The following NR6A1 variants were observed in gnomAD, a reference collection of about 807,000 sequenced individuals.
NR6A1 encodes retinoic acid receptor-related testis-associated receptor.
NR6A1 carries 7 observed loss-of-function variants against 59.1 expected under a neutral mutation model. The ratio of observed to expected loss-of-function variants is 0.12; its 90% confidence interval spans 0.07 to 0.22. The LOEUF (loss-of-function observed/expected upper bound fraction) is 0.22, where lower values mean the gene tolerates loss of function less well. NR6A1 is among the 10% of genes least tolerant of loss of function. NR6A1 has a pLI of 1.00. For synonymous variants in NR6A1, 243 were observed against 236.1 expected, an observed-to-expected ratio of 1.03 and a Z score of -0.27; for missense variants, 468 against 611.6, an observed-to-expected ratio of 0.77 and a Z score of 2.48.
At chr9:124,750,421 T>C (rs1840462557) in intron 1 of NR6A1, among the ~76,000 whole-genome samples, 2 of 152,184 alleles carry the variant, frequency 1.3e-5, no homozygotes, top group Non-Finnish European at 2.9e-5. Flanking sequence ...AAATTGGCTT[T>C]GGACTTTGCT....
intron 2 of NR6A1, among the ~76,000 whole-genome samples, chr9:124,694,076 T>C (rs1015521701): frequency 2.6e-5 from 4 of 152,196 alleles, no homozygotes; most frequent in African/African-American, 9.6e-5. Flanking sequence ...CAGAATCATA[T>C]GCTTATTATT....
chr9:124,631,663 T>G (rs919893662), intron 2 of NR6A1, among the ~76,000 whole-genome samples: 2 of 152,004 alleles, frequency 1.3e-5, no homozygotes, highest in Non-Finnish European at 2.9e-5. Context: ...TGCATTTTTT[T>G]TTTAACTTTT....
chr9:124,567,831 CT>C (rs534591761), intron 2 of NR6A1, among the ~76,000 whole-genome samples: 1,680 of 101,308 alleles, frequency 0.017, 12 homozygotes, highest in Non-Finnish European at 0.024. Flanking sequence ...TAAAAATTTG[CT>C]TTTTTTTTTT....
chr9:124,645,527 G>A (rs1178583893), intron 2 of NR6A1, among the ~76,000 whole-genome samples: 1 of 152,182 alleles, frequency 6.6e-6, no homozygotes, highest in Non-Finnish European at 1.5e-5. Flanking sequence ...ACTTTAGAGT[G>A]AGGAAAGTTA....
chr9:124,576,203 T>C (rs1168613611), intron 2 of NR6A1, among the ~76,000 whole-genome samples: 1 of 152,190 alleles, frequency 6.6e-6, no homozygotes, highest in Non-Finnish European at 1.5e-5. Context: ...TTACAGTAAG[T>C]TGTCCTTAAA....
At chr9:124,740,201 C>T (rs1432274717) in intron 1 of NR6A1, among the ~76,000 whole-genome samples, 1 of 152,198 alleles carries the variant, frequency 6.6e-6, no homozygotes, top group Non-Finnish European at 1.5e-5. Context: ...CCCACCTTTA[C>T]TCACCACTGA....
At chr9:124,649,821 C>A (rs1308953757) in intron 2 of NR6A1, among the ~76,000 whole-genome samples, 2 of 152,030 alleles carry the variant, frequency 1.3e-5, no homozygotes, top group African/African-American at 4.8e-5. Flanking sequence ...AGCAGACACA[C>A]AAATGGCTAA....
At chr9:124,524,193 C>A (rs1244110728) in intron 9 of NR6A1, among the ~76,000 whole-genome samples, 1 of 152,140 alleles carries the variant, frequency 6.6e-6, no homozygotes, top group Non-Finnish European at 1.5e-5. Context: ...CTAGCCTCAA[C>A]TGATCCTCTC....
At chr9:124,710,205 A>G (rs1839236276) in intron 2 of NR6A1, among the ~76,000 whole-genome samples, 2 of 152,232 alleles carry the variant, frequency 1.3e-5, no homozygotes, top group Admixed American at 6.5e-5. Flanking sequence ...AAATCATTAC[A>G]TGAAGGACTT....
intron 2 of NR6A1, among the ~76,000 whole-genome samples, chr9:124,687,078 C>T (rs1337510301): frequency 6.6e-6 from 1 of 151,624 alleles, no homozygotes; most frequent in Admixed American, 6.6e-5. Context: ...GGCCAATTTG[C>T]TATCTCAGTT....
At chr9:124,693,830 TCG>T in intron 2 of NR6A1, 1 of 528,040 alleles carries the variant, frequency 1.9e-6, no homozygotes. Flanking sequence ...GTGCAGAGAG[TCG>T]CCTGAGTGCA....
At chr9:124,618,191 G>T (rs1835956005) in intron 2 of NR6A1, among the ~76,000 whole-genome samples, 1 of 152,118 alleles carries the variant, frequency 6.6e-6, no homozygotes, top group African/African-American at 2.4e-5. Context: ...TGAGTTGAAA[G>T]GTAACCATGG....
intron 2 of NR6A1, among the ~76,000 whole-genome samples, chr9:124,662,610 C>A (rs781665297): frequency 6.6e-6 from 1 of 152,104 alleles, no homozygotes; most frequent in Non-Finnish European, 1.5e-5. Flanking sequence ...CAGATAGATA[C>A]TATTCAAAAC....
At chr9:124,752,481 CAT>C (rs1484244965) in intron 1 of NR6A1, among the ~76,000 whole-genome samples, 13 of 152,128 alleles carry the variant, frequency 8.5e-5, no homozygotes, top group African/African-American at 2.9e-4. Flanking sequence ...GGTAATTAAA[CAT>C]AATTATTAAT....
chr9:124,526,749 A>G, intron 8 of NR6A1, 30 bp downstream of exon 8: 1 of 1,610,872 alleles, frequency 6.2e-7, no homozygotes, highest in Non-Finnish European at 8.5e-7. Context: ...CCGCACTGCA[A>G]ACGTCCCTTT....
intron 2 of NR6A1, among the ~76,000 whole-genome samples, chr9:124,589,114 C>A (rs1835027370): frequency 6.6e-6 from 1 of 152,070 alleles, no homozygotes; most frequent in Non-Finnish European, 1.5e-5. Flanking sequence ...AGCAGATTTT[C>A]TTGTCAGCAG....
intron 2 of NR6A1, among the ~76,000 whole-genome samples, chr9:124,590,892 C>T (rs1050223572): frequency 6.6e-6 from 1 of 152,178 alleles, no homozygotes; most frequent in African/African-American, 2.4e-5. Flanking sequence ...ATCTCTGTTA[C>T]CTTAAAGCCC....
At chr9:124,567,282 G>A (rs1258899974) in intron 2 of NR6A1, among the ~76,000 whole-genome samples, 2 of 152,098 alleles carry the variant, frequency 1.3e-5, no homozygotes, top group Non-Finnish European at 2.9e-5. Flanking sequence ...AGGGGTGGGG[G>A]TTAGGGGGTC....
chr9:124,588,175 A>G (rs1208026782), intron 2 of NR6A1, among the ~76,000 whole-genome samples: 1 of 152,168 alleles, frequency 6.6e-6, no homozygotes, highest in Non-Finnish European at 1.5e-5. Context: ...AAACTATTCT[A>G]TGATAGATGG....
Sources: gnomAD v4.1 joint callset for allele counts (sites outside exome capture counted in the v4.1 genomes callset) on GRCh38, gnomAD v4.1.1 for gene constraint, MANE v1.5 for transcripts, NCBI Gene and HGNC (gene_info 2026-07-23, HGNC 2026-07-21) for gene names.